Variants in NTAQ1 observed in about 807,000 individuals in gnomAD.
NTAQ1 encodes protein N-terminal glutamine amidohydrolase.
NTAQ1 carries 21 observed loss-of-function variants against 28.2 expected under a neutral mutation model. The ratio of observed to expected loss-of-function variants is 0.74; its 90% CI spans 0.53 to 1.07. NTAQ1 has a LOEUF of 1.07. NTAQ1 is among the 50% of genes least tolerant of loss of function. The pLI, the probability that NTAQ1 is intolerant of heterozygous loss-of-function variation, is 0.00. For synonymous variants in NTAQ1, 105 were observed against 90.0 expected (o/e 1.17, Z -0.94); for missense variants, 264 against 256.6 (o/e 1.03, Z -0.20).
chr8:123,419,567 C>T (rs1358857121), intron 1 of NTAQ1, among the ~76,000 whole-genome samples: 3 of 152,172 alleles, frequency 2.0e-5, no homozygotes, highest in African/African-American at 7.2e-5. Flanking sequence ...CTGATTCTGA[C>T]TTAATTGTTT....
chr8:123,421,796 C>T (rs1484837626), intron 1 of NTAQ1, among the ~76,000 whole-genome samples: 2 of 151,594 alleles, frequency 1.3e-5, no homozygotes, highest in Non-Finnish European at 2.9e-5. Context: ...TCACACCATT[C>T]TCCTGCCTCA....
chr8:123,467,386 T>C (rs1436430643), exon 7 of NTAQ1, among the ~76,000 whole-genome samples: 2 of 152,170 alleles, frequency 1.3e-5, no homozygotes, highest in Non-Finnish European at 2.9e-5. Context: ...CCACCAGATA[T>C]TGTATGAAGG....
At chr8:123,431,777 A>G (rs576112139) in intron 3 of NTAQ1, among the ~76,000 whole-genome samples, 13 of 152,330 alleles carry the variant, frequency 8.5e-5, no homozygotes, top group African/African-American at 3.1e-4. Flanking sequence ...CGTGAGGCTT[A>G]AATGAGGTAA....
At chr8:123,463,966 C>G (rs1815900232) in intron 6 of NTAQ1, among the ~76,000 whole-genome samples, 1 of 152,176 alleles carries the variant, frequency 6.6e-6, no homozygotes, top group Non-Finnish European at 1.5e-5. Context: ...GAATACATCT[C>G]ACGAGATCTG....
chr8:123,448,881 A>C (rs978625839), downstream of NTAQ1, among the ~76,000 whole-genome samples: 2 of 152,174 alleles, frequency 1.3e-5, no homozygotes, highest in Non-Finnish European at 2.9e-5. Flanking sequence ...TGTCTTTGCT[A>C]GAGGAGAGAA....
chr8:123,449,384 A>G (rs573039779), downstream of NTAQ1, among the ~76,000 whole-genome samples: 18 of 152,288 alleles, frequency 1.2e-4, no homozygotes, highest in African/African-American at 4.1e-4. Context: ...TAACAGCTTG[A>G]TGATTTGCAG....
exon 7 of NTAQ1, chr8:123,467,150 A>G (rs1233247128): frequency 1.3e-5 from 2 of 150,092 alleles, no homozygotes; most frequent in Non-Finnish European, 3.0e-5. Flanking sequence ...GGTTCAAGTG[A>G]TCCTCAGCCT....
downstream of NTAQ1, among the ~76,000 whole-genome samples, chr8:123,471,920 C>T (rs928557665): frequency 6.6e-6 from 1 of 152,226 alleles, no homozygotes; most frequent in African/African-American, 2.4e-5. Context: ...AATTAACCAT[C>T]ACACTTTAAA....
chr8:123,465,343 A>G (rs1228182566), intron 6 of NTAQ1, among the ~76,000 whole-genome samples: 1 of 152,124 alleles, frequency 6.6e-6, no homozygotes. Context: ...TGTCACACAT[A>G]TAGATATGTG....
intron 3 of NTAQ1, among the ~76,000 whole-genome samples, chr8:123,431,718 A>G (rs1035501531): frequency 8.5e-5 from 13 of 152,090 alleles, no homozygotes; most frequent in Non-Finnish European, 1.5e-4. Context: ...TGGGATCCAG[A>G]TAGGTTATTT....
chr8:123,422,195 T>G (rs1032362644), intron 1 of NTAQ1, among the ~76,000 whole-genome samples: 2 of 152,182 alleles, frequency 1.3e-5, no homozygotes, highest in African/African-American at 4.8e-5. Context: ...TTTAAGTTCC[T>G]TATAGATTCT....
downstream of NTAQ1, among the ~76,000 whole-genome samples, chr8:123,445,777 T>A (rs1354153980): frequency 6.6e-6 from 1 of 151,704 alleles, no homozygotes; most frequent in Non-Finnish European, 1.5e-5. Flanking sequence ...GGCTAATTTT[T>A]GTATTTTTAA....
At chr8:123,432,702 T>C (rs975769661) in intron 3 of NTAQ1, among the ~76,000 whole-genome samples, 5 of 148,604 alleles carry the variant, frequency 3.4e-5, no homozygotes, top group Non-Finnish European at 7.4e-5. Flanking sequence ...TTTTTTGAGA[T>C]GGAGTCTCAC....
At chr8:123,423,350 C>T (rs570521535) in intron 1 of NTAQ1, among the ~76,000 whole-genome samples, 1 of 149,880 alleles carries the variant, frequency 6.7e-6, no homozygotes, top group South Asian at 2.1e-4. Flanking sequence ...TCCTTCCTTT[C>T]CCTCCTTTCC....
At chr8:123,465,192 G>A (rs1815931988) in intron 6 of NTAQ1, among the ~76,000 whole-genome samples, 1 of 152,174 alleles carries the variant, frequency 6.6e-6, no homozygotes, top group Admixed American at 6.5e-5. Flanking sequence ...CATTGATAAT[G>A]TAGAACCACC....
chr8:123,472,115 G>A (rs1816047997), downstream of NTAQ1, among the ~76,000 whole-genome samples: 1 of 152,154 alleles, frequency 6.6e-6, no homozygotes, highest in Admixed American at 6.5e-5. Flanking sequence ...AGGATTTTAG[G>A]GTTGCTGGCA....
Position 123,428,048 on chromosome 8 carries a change from A to G in NTAQ1, c.183+25A>G, listed in dbSNP as rs566603754. 3.6e-5 allele frequency: 54 copies of G among 1,511,858 alleles called. 1 individual carries two copies. The South Asian group carries it at 6.6e-4, about 18-fold the overall frequency. The allele number at this position is 1,511,858 out of a possible 1,614,324, so 93.7% of individuals were successfully genotyped here. ...GGTAAGTTGGTGAGTGATTGCAGAA[A>G]GAAAACAAGAGATTTAGGATGACAT... On this transcript the variant is annotated intron_variant, in intron 2 of 5. Coordinates refer to ENST00000287387, the MANE Select transcript of NTAQ1 (RefSeq NM_018024.3).
Position 123,441,333 on chromosome 8 carries a change from T to A in NTAQ1, c.536T>A (p.Ile179Asn). The change falls in exon 6 of 6, where the codon ATC becomes AAC. Residue 179 changes from isoleucine to asparagine, a missense_variant. Ile to Asn is a moderately radical substitution (Grantham distance 149, BLOSUM62 -3). Coordinates refer to ENST00000287387, the MANE Select transcript of NTAQ1 (RefSeq NM_018024.3). ...GDSKMNLNDF[I>N]SMDPKVGWGA... is the part of the protein sequence containing the mutation. ...TCCAAAATGAACCTGAACGATTTCA[T>A]CAGTATGGATCCCAAGGTAGGATGG... is the stretch of plus-strand genomic sequence containing the variant. The A allele has an allele frequency of 1.2e-6, 2 of 1,611,838 alleles. No individual in the cohort carries two copies. The highest frequency in any genetic ancestry group is 1.7e-6 in the Non-Finnish European group (2 of 1,178,718).
downstream of NTAQ1, among the ~76,000 whole-genome samples, chr8:123,474,559 T>C (rs769019520): frequency 2.0e-5 from 3 of 152,206 alleles, no homozygotes; most frequent in Non-Finnish European, 4.4e-5. Context: ...CTCCACTAAA[T>C]TACCATTTTT....
Sources: allele counts gnomAD v4.1 joint callset (sites outside exome capture counted in the v4.1 genomes callset), GRCh38; gene constraint gnomAD v4.1.1; transcripts MANE v1.5; gene names NCBI Gene and HGNC (gene_info 2026-07-23, HGNC 2026-07-21).